The following ONECUT1 variants were observed in gnomAD, a reference collection of about 807,000 sequenced individuals.
ONECUT1 encodes the protein one cut homeobox 1.
ONECUT1 carries 12 observed loss-of-function variants against 25.6 expected under a neutral mutation model. The observed-to-expected ratio is 0.47, with a 90% CI of 0.30 to 0.76. ONECUT1 has a LOEUF of 0.76. ONECUT1 is among the 30% of genes least tolerant of loss of function. The probability of loss-of-function intolerance (pLI) is 0.07; values close to 1 mark genes in which losing one functional copy is unlikely to be tolerated. For missense variants in ONECUT1, 620 were observed against 651.2 expected, an observed-to-expected ratio of 0.95 and a Z score of 0.52; for synonymous variants, 285 against 270.2, an observed-to-expected ratio of 1.05 and a Z score of -0.54.
At chr15:52,780,521 A>T in intron 1 of ONECUT1, 1 of 1,429,916 alleles carries the variant, frequency 7.0e-7, no homozygotes, top group South Asian at 1.2e-5. Context: ...AAGTAATTAG[A>T]ATTTAATCAC....
chr15:52,762,931 C>A (rs1467186079), intron 1 of ONECUT1, among the ~76,000 whole-genome samples: 4 of 151,858 alleles, frequency 2.6e-5, no homozygotes, highest in Non-Finnish European at 5.9e-5. Flanking sequence ...AGGTAGGAAA[C>A]CCCCAATTGG....
At chr15:52,777,447 G>A (rs148585462) in intron 1 of ONECUT1, among the ~76,000 whole-genome samples, 2 of 152,266 alleles carry the variant, frequency 1.3e-5, no homozygotes, top group Non-Finnish European at 2.9e-5. Context: ...CACAGCTTTG[G>A]AGAATGCTTT....
chr15:52,760,179 A>T (rs2083697753), intron 1 of ONECUT1, among the ~76,000 whole-genome samples: 2 of 152,184 alleles, frequency 1.3e-5, no homozygotes, highest in South Asian at 2.1e-4. Flanking sequence ...GGGCGGCATC[A>T]ACCTAACGGG....
intron 1 of ONECUT1, among the ~76,000 whole-genome samples, chr15:52,776,271 T>G (rs1469352040): frequency 3.9e-5 from 6 of 152,146 alleles, no homozygotes; most frequent in Non-Finnish European, 7.4e-5. Flanking sequence ...TCTGAAACAT[T>G]CCATCTTTAT....
rs1402130601 is a variant in ONECUT1 at position 52,777,733 on chromosome 15, C to CAAAAAAA, written c.1105+11046_1105+11047insTTTTTTT. Among the ~76,000 whole-genome samples the CAAAAAAA allele has an allele frequency of 1.1e-3, 98 of 85,236 alleles. 3 individuals are homozygous for CAAAAAAA. Among genetic ancestry groups the CAAAAAAA allele is most frequent in the East Asian group, 7.0e-3 (13 of 1,870 alleles). The allele number at this position is 85,236 out of a possible 152,430, so 55.9% of individuals were successfully genotyped here. A position where few individuals can be genotyped will look rare whatever the true frequency, so the allele number is the denominator to read the frequency against. On this transcript the variant is annotated intron_variant, in intron 1 of 1. Transcript: ENST00000305901. ...ACACACACACACACACACACACACACACACAAAAAAACATGTAAAGTTATT... is the reference window on the plus strand; with the variant it reads ...ACACACACACACACACACACACACACAAAAAAAACACAAAAAAACATGTAAAGTTATT...
rs916743307 is a variant in ONECUT1, at chr15:52,756,911, A to T, written c.*644T>A. ...TGGATGGACTCATGTTTCATTTCTT[A>T]AAAAATATCTGAACATTCCTTAACA... On this transcript the variant is annotated 3_prime_UTR_variant, in exon 2 of 2. Transcript: ENST00000305901. The T allele has an allele frequency of 6.6e-6, 1 of 152,162 alleles. No individual in the cohort carries two copies. The highest frequency in any genetic ancestry group is 1.9e-4 in the East Asian group (1 of 5,202). The allele number at this position is 152,162 out of a possible 1,614,324, so 9.4% of individuals were successfully genotyped here.
intron 1 of ONECUT1, chr15:52,780,489 C>A: frequency 8.4e-7 from 1 of 1,185,670 alleles, no homozygotes; most frequent in Non-Finnish European, 1.2e-6. Context: ...ATTAGTGTGA[C>A]AAATATGTCT....
intron 1 of ONECUT1, among the ~76,000 whole-genome samples, chr15:52,770,126 C>T (rs902120905): frequency 1.3e-5 from 2 of 152,194 alleles, no homozygotes; most frequent in Non-Finnish European, 2.9e-5. Context: ...GTTAGGGTAT[C>T]ATTTCTCTCT....
At chr15:52,774,455 C>T (rs1415126991) in intron 1 of ONECUT1, among the ~76,000 whole-genome samples, 2 of 152,142 alleles carry the variant, frequency 1.3e-5, no homozygotes, top group Non-Finnish European at 2.9e-5. Context: ...CAAGCGCCAC[C>T]ATGCCCAGCT....
intron 1 of ONECUT1, among the ~76,000 whole-genome samples, chr15:52,774,795 G>A (rs1250943371): frequency 1.3e-5 from 2 of 152,216 alleles, no homozygotes; most frequent in African/African-American, 2.4e-5. Flanking sequence ...CCACCCTTGT[G>A]TTGAGGGTAG....
intron 1 of ONECUT1, among the ~76,000 whole-genome samples, chr15:52,761,441 C>A (rs1227911319): frequency 6.6e-6 from 1 of 152,172 alleles, no homozygotes; most frequent in East Asian, 1.9e-4. Context: ...GAGGGCGAAG[C>A]AGGCAGATTA....
At chr15:52,777,764 T>A (rs2083813711) in intron 1 of ONECUT1, among the ~76,000 whole-genome samples, 1 of 148,326 alleles carries the variant, frequency 6.7e-6, no homozygotes, top group East Asian at 2.0e-4. Flanking sequence ...TTATTTGTTC[T>A]CTTCCCTGCT....
At chr15:52,769,540 C>G (rs777070857) in intron 1 of ONECUT1, among the ~76,000 whole-genome samples, 3 of 152,102 alleles carry the variant, frequency 2.0e-5, no homozygotes, top group African/African-American at 4.8e-5. Flanking sequence ...GGGGATATAG[C>G]TGAAATGTCA....
intron 1 of ONECUT1, among the ~76,000 whole-genome samples, chr15:52,779,104 G>A (rs2141459373): frequency 7.0e-6 from 1 of 143,840 alleles, no homozygotes; most frequent in South Asian, 2.2e-4. Context: ...AATTTATTTT[G>A]AGCTGGAGTC....
Position 52,790,061 on chromosome 15 carries a change from G to T in ONECUT1, c.-177C>A. 3.2e-6 allele frequency: 3 copies of T among 924,106 alleles called. No individual in the cohort carries two copies. The highest frequency in any genetic ancestry group is 2.8e-6 in the Non-Finnish European group (2 of 705,804). 57.2% of individuals were successfully genotyped at this position (924,106 alleles called of 1,614,324 possible). Reference sequence around the variant, plus strand: ...TCCGTGTGTGTGTGTCCGTGTGTGCGTGTGCGTGTGTGTGTGTGTGTGTGT... The same window carrying T: ...TCCGTGTGTGTGTGTCCGTGTGTGCTTGTGCGTGTGTGTGTGTGTGTGTGT... On this transcript the variant is annotated 5_prime_UTR_variant, in exon 1 of 2. Coordinates refer to ENST00000305901, the MANE Select transcript of ONECUT1 (RefSeq NM_004498.4).
At chr15:52,780,607 ATT>A in intron 1 of ONECUT1, 1 of 1,535,450 alleles carries the variant, frequency 6.5e-7, no homozygotes, top group South Asian at 1.2e-5. Flanking sequence ...TTAATGAACG[ATT>A]TTTGTGACTC....
At chr15:52,777,409 C>G (rs577574296) in intron 1 of ONECUT1, among the ~76,000 whole-genome samples, 3 of 152,304 alleles carry the variant, frequency 2.0e-5, no homozygotes, top group African/African-American at 7.2e-5. Flanking sequence ...AGGACACCCT[C>G]AGTCCATGGC....
At position 52,777,729 on chromosome 15, in the gene ONECUT1, C is replaced by CA. The variant is rs1309303644; in HGVS notation, c.1105+11050dup. On this transcript the variant is annotated intron_variant, in intron 1 of 1. Coordinates refer to ENST00000305901, the MANE Select transcript of ONECUT1 (RefSeq NM_004498.4). ...ACACACACACACACACACACACACA[C>CA]ACACACACAAAAAAACATGTAAAGT... Among the ~76,000 whole-genome samples, 7 of 87,386 alleles carry CA rather than the reference C, an allele frequency of 8.0e-5. No homozygotes were observed. In the East Asian group the frequency reaches 1.7e-3, roughly 21 times the overall value. 57.3% of individuals were successfully genotyped at this position (87,386 alleles called of 152,430 possible). A position where few individuals can be genotyped will look rare whatever the true frequency, so the allele number is the denominator to read the frequency against.
At chr15:52,786,011 C>A (rs2083872470) in intron 1 of ONECUT1, 1 of 152,178 alleles carries the variant, frequency 6.6e-6, no homozygotes, top group African/African-American at 2.4e-5. Context: ...CCTGACCTCG[C>A]AAGGTGGTTG....
Sources: gnomAD v4.1 joint callset for allele counts (sites outside exome capture counted in the v4.1 genomes callset) on GRCh38, gnomAD v4.1.1 for gene constraint, MANE v1.5 for transcripts, NCBI Gene and HGNC (gene_info 2026-07-23, HGNC 2026-07-21) for gene names.